CACNG3: variants seen among roughly 807,000 people sequenced by gnomAD.
CACNG3 encodes voltage-dependent calcium channel gamma-3 subunit.
A neutral mutation model predicts 28.5 loss-of-function variants in CACNG3; 3 were observed. The ratio of observed to expected loss-of-function variants is 0.11; its 90% CI spans 0.05 to 0.27. CACNG3 has a LOEUF of 0.27. Ranked by LOEUF, CACNG3 falls within the 10% of genes least tolerant of loss-of-function variation. The pLI is 1.00. For missense variants in CACNG3, 236 were observed against 414.4 expected, an observed-to-expected ratio of 0.57 and a Z score of 3.74; for synonymous variants, 174 against 162.2, an observed-to-expected ratio of 1.07 and a Z score of -0.55.
intron 1 of CACNG3, among the ~76,000 whole-genome samples, chr16:24,300,306 G>T (rs1037262036): frequency 5.3e-5 from 8 of 152,082 alleles, no homozygotes; most frequent in African/African-American, 1.9e-4. Flanking sequence ...CTGTACACAG[G>T]GGCCCCGATA....
intron 1 of CACNG3, among the ~76,000 whole-genome samples, chr16:24,334,790 C>T (rs547528515): frequency 3.9e-5 from 6 of 152,330 alleles, no homozygotes; most frequent in African/African-American, 1.2e-4. Context: ...TGGTCTAGGT[C>T]TATTCCCTCC....
In CACNG3 at chr16:24,350,696, AT is replaced by A. The variant is rs1567225156; in HGVS notation, c.295+3885del. 2.6e-5 allele frequency among the ~76,000 whole-genome samples: 4 copies of A among 152,318 alleles called. No homozygotes were observed. The South Asian group carries it at 8.3e-4, about 32-fold the overall frequency. ...CACATCAAAGGTTAATCATGCTTTG[AT>A]TTTTTAAAAGGTATTCACTTTTTAT... On this transcript the variant is annotated intron_variant, in intron 2 of 3. Coordinates refer to ENST00000005284, the MANE Select transcript of CACNG3 (RefSeq NM_006539.4).
intron 3 of CACNG3, among the ~76,000 whole-genome samples, chr16:24,355,270 T>G (rs993188141): frequency 4.6e-5 from 7 of 151,216 alleles, no homozygotes; most frequent in African/African-American, 1.7e-4. Flanking sequence ...AGAGAGAGAT[T>G]TATAAGAGTG....
chr16:24,283,345 T>G (rs1410514201), intron 1 of CACNG3, among the ~76,000 whole-genome samples: 1 of 152,186 alleles, frequency 6.6e-6, no homozygotes, highest in Non-Finnish European at 1.5e-5. Context: ...ATAATGTATC[T>G]CCCATTTATT....
In CACNG3 at chr16:24,317,639, AAAGAAAAGAAAAG is replaced by A. The variant is rs1477120856; in HGVS notation, c.212-29092_212-29080del. 3.6e-4 allele frequency among the ~76,000 whole-genome samples: 16 copies of A among 44,274 alleles called. 1 individual carries two copies. The highest frequency in any genetic ancestry group is 1.3e-3 in the African/African-American group (14 of 10,996). The allele number at this position is 44,274 out of a possible 152,430, so 29.0% of individuals were successfully genotyped here. A position where few individuals can be genotyped will look rare whatever the true frequency, so the allele number is the denominator to read the frequency against. On this transcript the variant is annotated intron_variant, in intron 1 of 3. Transcript: ENST00000005284. ...GAAAGAAAGAAAGACAGACAGAAAG[AAAGAAAAGAAAAG>A]AAAGAAAGAAAGAAAGAAAGAAAGA...
chr16:24,360,196 A>G (rs147660159), intron 3 of CACNG3, among the ~76,000 whole-genome samples: 93 of 152,296 alleles, frequency 6.1e-4, no homozygotes, highest in African/African-American at 1.6e-3. Context: ...AACAACCTCC[A>G]TGAGTCATTG....
intron 1 of CACNG3, among the ~76,000 whole-genome samples, chr16:24,325,312 T>A (rs1386475399): frequency 6.6e-6 from 1 of 152,160 alleles, no homozygotes; most frequent in Non-Finnish European, 1.5e-5. Context: ...GATGTTCTCA[T>A]TCCCTGGGAC....
At chr16:24,343,276 C>G (rs2239342) in intron 1 of CACNG3, among the ~76,000 whole-genome samples, 51,193 of 151,918 alleles carry the variant, frequency 0.34, 8,946 homozygotes, top group South Asian at 0.45. Context: ...TAGTTTCAAG[C>G]TGCCTGAAGT....
intron 1 of CACNG3, among the ~76,000 whole-genome samples, chr16:24,344,533 AG>A (rs1567223624): frequency 6.6e-6 from 1 of 152,230 alleles, no homozygotes; most frequent in Admixed American, 6.5e-5. Flanking sequence ...AAAACCAAAC[AG>A]GCATATATAA....
chr16:24,327,619 C>CA (rs201090046), intron 1 of CACNG3, among the ~76,000 whole-genome samples: 2,681 of 145,616 alleles, frequency 0.018, 79 homozygotes, highest in African/African-American at 0.065. Flanking sequence ...GAACCTGTCT[C>CA]AAAAAAAACA....
At chr16:24,289,098 C>T (rs376815112) in intron 1 of CACNG3, among the ~76,000 whole-genome samples, 15 of 152,154 alleles carry the variant, frequency 9.9e-5, no homozygotes, top group Non-Finnish European at 5.9e-5. Flanking sequence ...TTAAGGAAAC[C>T]GCATGTCTAC....
intron 3 of CACNG3, among the ~76,000 whole-genome samples, chr16:24,355,749 A>G (rs1313930853): frequency 1.3e-5 from 2 of 152,068 alleles, no homozygotes; most frequent in Admixed American, 6.6e-5. Context: ...TCCTATGCCA[A>G]TCAATACTCT....
intron 1 of CACNG3, among the ~76,000 whole-genome samples, chr16:24,259,276 T>TG (rs1402406838): frequency 2.0e-5 from 3 of 152,178 alleles, no homozygotes; most frequent in Admixed American, 1.3e-4. Context: ...AACACCTAGG[T>TG]GGGTCCTGGC....
chr16:24,306,936 G>C (rs1474008094), intron 1 of CACNG3, among the ~76,000 whole-genome samples: 1 of 152,158 alleles, frequency 6.6e-6, no homozygotes, highest in Non-Finnish European at 1.5e-5. Context: ...TGGCAACACA[G>C]TTCTTATCCG....
chr16:24,270,961 G>A (rs1213216410), intron 1 of CACNG3, among the ~76,000 whole-genome samples: 1 of 152,230 alleles, frequency 6.6e-6, no homozygotes, highest in African/African-American at 2.4e-5. Context: ...TGTGCCTGGA[G>A]TGTTCAAGAA....
At chr16:24,269,247 A>T (rs1898653220) in intron 1 of CACNG3, among the ~76,000 whole-genome samples, 1 of 152,244 alleles carries the variant, frequency 6.6e-6, no homozygotes, top group Admixed American at 6.5e-5. Context: ...TGTACAGCAG[A>T]TCTTCAATAA....
intron 1 of CACNG3, among the ~76,000 whole-genome samples, chr16:24,257,706 C>T (rs1416972985): frequency 3.3e-5 from 5 of 152,144 alleles, no homozygotes; most frequent in Non-Finnish European, 4.4e-5. Flanking sequence ...ATTCCCAAAC[C>T]CCTAAAAAGG....
chr16:24,268,182 A>G (rs914256540), intron 1 of CACNG3, among the ~76,000 whole-genome samples: 6 of 152,208 alleles, frequency 3.9e-5, no homozygotes, highest in Non-Finnish European at 5.9e-5. Context: ...TCTGTTTCTC[A>G]TTAACTGTAT....
At position 24,327,708 on chromosome 16, in the gene CACNG3, G is replaced by A. The variant is rs185667033; in HGVS notation, c.212-19026G>A. 1.9e-3 allele frequency among the ~76,000 whole-genome samples: 287 copies of A among 151,962 alleles called. 3 individuals carry two copies. The highest frequency in any genetic ancestry group is 7.1e-3 in the South Asian group (34 of 4,802). On this transcript the variant is annotated intron_variant, in intron 1 of 3. Coordinates refer to ENST00000005284, the MANE Select transcript of CACNG3 (RefSeq NM_006539.4). ...TGTAATCCCAATGCTTTGGGGGGCT[G>A]AGACAGGAGGATCGCTTGAGGCCAA...
Sources: gnomAD v4.1 joint callset for allele counts (sites outside exome capture counted in the v4.1 genomes callset) on GRCh38, gnomAD v4.1.1 for gene constraint, MANE v1.5 for transcripts, NCBI Gene and HGNC (gene_info 2026-07-23, HGNC 2026-07-21) for gene names.